Variants in FAM53A observed in about 807,000 individuals in gnomAD.
FAM53A encodes the protein protein FAM53A.
In FAM53A, 28 loss-of-function variants were observed where a neutral mutation model predicts 26.6. The ratio of observed to expected loss-of-function variants is 1.05; its 90% CI spans 0.78 to 1.45. The LOEUF (loss-of-function observed/expected upper bound fraction) is 1.45. FAM53A is among the 40% of genes most tolerant of loss of function. The pLI, the probability that FAM53A is intolerant of heterozygous loss-of-function variation, is 0.00. For synonymous variants in FAM53A, 290 were observed against 253.1 expected (o/e 1.15, Z -1.38); for missense variants, 650 against 575.8 (o/e 1.13, Z -1.32).
chr4:1,636,339 A>C (rs1401317099), downstream of FAM53A, among the ~76,000 whole-genome samples: 5 of 152,012 alleles, frequency 3.3e-5, no homozygotes, highest in Admixed American at 6.6e-5. Context: ...TTTCCTTTTG[A>C]GTCTACTTGA....
the FAM53A span, among the ~76,000 whole-genome samples, chr4:1,585,454 T>A: frequency 2.2e-4 from 33 of 152,104 alleles, no homozygotes; most frequent in Non-Finnish European, 3.8e-4. Context: ...ACCCAGCTAA[T>A]TTTTGTTTTA....
rs1024023565 is a variant in FAM53A at position 1,659,233 on chromosome 4, G to C, written c.76-1765C>G. On this transcript the variant is annotated intron_variant, in intron 2 of 4. Transcript: ENST00000308132. The surrounding 1 kb of genome is among the most constrained non-coding windows in gnomAD (Gnocchi z 5.2). ...ACGACCTCCAGGTTCTCCCACCCCG[G>C]GACCCGGGTCCGATGGAAGAGAGGA... is the stretch of plus-strand genomic sequence containing the variant. 4.6e-5 allele frequency among the ~76,000 whole-genome samples: 7 copies of C among 152,178 alleles called. No individual in the cohort carries two copies. Among genetic ancestry groups the C allele is most frequent in the African/African-American group, 1.7e-4 (7 of 41,430 alleles).
At chr4:1,647,686 TGAGC>T (rs1185624390) in intron 4 of FAM53A, among the ~76,000 whole-genome samples, 1 of 152,156 alleles carries the variant, frequency 6.6e-6, no homozygotes, top group Non-Finnish European at 1.5e-5. Context: ...GGTGCGGATG[TGAGC>T]GAGCGTGAGC....
At chr4:1,601,354 G>A in the FAM53A span, among the ~76,000 whole-genome samples, 5 of 112,912 alleles carry the variant, frequency 4.4e-5, 1 homozygote, top group African/African-American at 1.4e-4. Flanking sequence ...CTGCTCTTCC[G>A]GACACACCAC....
upstream of FAM53A, among the ~76,000 whole-genome samples, chr4:1,685,431 G>T (rs1051754718): frequency 6.6e-6 from 1 of 151,852 alleles, no homozygotes; most frequent in African/African-American, 2.4e-5. Flanking sequence ...GTCCCACAGT[G>T]GACACTGTGG....
intron 1 of FAM53A, among the ~76,000 whole-genome samples, chr4:1,620,895 G>T (rs1340252217): frequency 6.6e-6 from 1 of 152,068 alleles, no homozygotes; most frequent in Non-Finnish European, 1.5e-5. Context: ...ATGCCAGGCT[G>T]GGATCGGGTC....
the FAM53A span, among the ~76,000 whole-genome samples, chr4:1,608,143 C>T: frequency 8.5e-5 from 13 of 152,076 alleles, no homozygotes; most frequent in Non-Finnish European, 1.5e-4. Flanking sequence ...AAAAAATCAC[C>T]TTCCCAGGAC....
chr4:1,664,280 T>C (rs1299222634), intron 2 of FAM53A, among the ~76,000 whole-genome samples: 1 of 152,170 alleles, frequency 6.6e-6, no homozygotes, highest in Non-Finnish European at 1.5e-5. Flanking sequence ...GAATGCGCTA[T>C]GAAATCATGG....
the FAM53A span, among the ~76,000 whole-genome samples, chr4:1,586,944 G>A: frequency 1.0e-3 from 152 of 152,172 alleles, no homozygotes; most frequent in South Asian, 0.016. Context: ...AAAAGGTGTC[G>A]GGTGATATCT....
At chr4:1,616,635 G>A (rs767672230), downstream of FAM53A, among the ~76,000 whole-genome samples, 2 of 152,276 alleles carry the variant, frequency 1.3e-5, no homozygotes, top group Non-Finnish European at 2.9e-5. Flanking sequence ...TTGAGCAGCT[G>A]CAAACCAGAA....
chr4:1,605,278 C>T, the FAM53A span, among the ~76,000 whole-genome samples: 1 of 152,116 alleles, frequency 6.6e-6, no homozygotes, highest in East Asian at 1.9e-4. The surrounding 1 kb of genome is among the most constrained non-coding windows in gnomAD (Gnocchi z 5.7). Flanking sequence ...GGACTGGAGT[C>T]GGAACTCCCA....
chr4:1,668,887 G>A lies in FAM53A; in HGVS notation c.-146C>T. On this transcript the variant is annotated 5_prime_UTR_variant, in exon 2 of 5. Transcript: ENST00000308132. The stretch of plus-strand genomic sequence containing the variant: ...TACAGATGAGCAGTCCACGCCCACG[G>A]GCTCTTCAGGATTTGTGCCTGTTTC... 1.6e-6 allele frequency: 1 copy of A among 632,844 alleles called. No individual in the cohort carries two copies. 39.2% of individuals were successfully genotyped at this position (632,844 alleles called of 1,614,324 possible).
the FAM53A span, among the ~76,000 whole-genome samples, chr4:1,595,732 C>T: frequency 1.3e-5 from 2 of 152,236 alleles, no homozygotes; most frequent in African/African-American, 2.4e-5. Flanking sequence ...CCAGTCCAGC[C>T]GGGCAGAGAG....
At chr4:1,669,915 G>C (rs550971500) in intron 1 of FAM53A, among the ~76,000 whole-genome samples, 1 of 152,354 alleles carries the variant, frequency 6.6e-6, no homozygotes, top group Admixed American at 6.5e-5. Context: ...CTGCCGCCCG[G>C]CTTCAGTTTC....
the FAM53A span, among the ~76,000 whole-genome samples, chr4:1,588,295 G>A: frequency 2.0e-5 from 3 of 152,220 alleles, no homozygotes; most frequent in African/African-American, 7.2e-5. Flanking sequence ...GATAATTGTG[G>A]TGGTTTACAA....
At chr4:1,635,914 G>C (rs1282387466), downstream of FAM53A, among the ~76,000 whole-genome samples, 2 of 144,728 alleles carry the variant, frequency 1.4e-5, no homozygotes, top group Non-Finnish European at 3.0e-5. Context: ...CGCGATCTCG[G>C]CTCACTGCAA....
intron 1 of FAM53A, among the ~76,000 whole-genome samples, chr4:1,678,398 C>T (rs1715184673): frequency 6.6e-6 from 1 of 152,176 alleles, no homozygotes; most frequent in Non-Finnish European, 1.5e-5. Flanking sequence ...ATCAATGGAA[C>T]AGGCAGAACA....
At chr4:1,601,222 CCGCAA>C in the FAM53A span, among the ~76,000 whole-genome samples, 1 of 143,272 alleles carries the variant, frequency 7.0e-6, no homozygotes, top group East Asian at 1.9e-4. Flanking sequence ...ACCCCTGGAG[CCGCAA>C]CAGGTCGGAC....
chr4:1,618,888 C>T (rs751509618), intron 1 of FAM53A, among the ~76,000 whole-genome samples: 4 of 152,302 alleles, frequency 2.6e-5, no homozygotes, highest in Non-Finnish European at 5.9e-5. Context: ...CACGGCCCCC[C>T]GAGGGCTCAG....
Sources: allele counts gnomAD v4.1 joint callset (sites outside exome capture counted in the v4.1 genomes callset), GRCh38; gene constraint gnomAD v4.1.1; non-coding constraint Gnocchi (gnomAD v3.1); transcripts MANE v1.5; gene names NCBI Gene and HGNC (gene_info 2026-07-23, HGNC 2026-07-21).